Variants in HOXC6 observed in about 807,000 individuals in gnomAD.
HOXC6 encodes the protein homeobox C6.
A neutral mutation model predicts 24.0 loss-of-function variants in HOXC6; 10 were observed. The ratio of observed to expected loss-of-function variants is 0.42; its 90% CI spans 0.26 to 0.71. The LOEUF (loss-of-function observed/expected upper bound fraction) is 0.71. Among genes scored for constraint, HOXC6 ranks in the 30% least tolerant of loss-of-function variants. The pLI, the probability that HOXC6 is intolerant of heterozygous loss-of-function variation, is 0.28. For synonymous variants in HOXC6, 123 were observed against 128.1 expected (o/e 0.96, Z 0.27); for missense variants, 258 against 303.4 (o/e 0.85, Z 1.11).
exon 1 of HOXC6, chr12:54,016,893 AC>A (rs1940178682): frequency 6.6e-6 from 1 of 152,238 alleles, no homozygotes; most frequent in Admixed American, 6.5e-5. Context: ...GCTCCGCAGA[AC>A]AGTCCTCCCT....
At chr12:54,025,501 T>A (rs1046090025), upstream of HOXC6, among the ~76,000 whole-genome samples, 2 of 139,180 alleles carry the variant, frequency 1.4e-5, no homozygotes, top group Non-Finnish European at 3.1e-5. Context: ...AGAGGGCTTC[T>A]TCTTTCCTCA....
Position 54,028,494 on chromosome 12 carries a change from C to G in HOXC6, c.-28C>G. On this transcript the variant is annotated 5_prime_UTR_variant, in exon 1 of 2. In the 5' UTR this introduces an upstream ATG that the reference lacks. Coordinates refer to ENST00000243108, the MANE Select transcript of HOXC6 (RefSeq NM_004503.4). The stretch of plus-strand genomic sequence containing the variant: ...AGACAGAAATAAATATTAAAGAAAT[C>G]ATAGACCGACCAGGTAAAGGCAAAG... The G allele has an allele frequency of 1.2e-6, 2 of 1,605,044 alleles. No individual in the cohort carries two copies. Among genetic ancestry groups the G allele is most frequent in the Non-Finnish European group, 1.7e-6 (2 of 1,175,184 alleles).
In HOXC6 at chr12:54,019,117, A is replaced by T. The variant is rs191302926; in HGVS notation, c.-193+1703A>T. ...GCTAAATTCCCCTTTCGCAGCCATC[A>T]TAAAGGCCTCTGAGGTATTCTCCCG... On this transcript the variant is annotated intron_variant, in intron 1 of 2. Coordinates refer to the HOXC6 transcript ENST00000394331. 3.7e-3 allele frequency among the ~76,000 whole-genome samples: 421 copies of T among 114,074 alleles called. 1 individual carries two copies. The Middle Eastern group carries it at 0.055, about 15-fold the overall frequency. The allele number at this position is 114,074 out of a possible 152,430, so 74.8% of individuals were successfully genotyped here. A position where few individuals can be genotyped will look rare whatever the true frequency, so the allele number is the denominator to read the frequency against.
chr12:54,018,005 C>T (rs944242105), intron 1 of HOXC6, among the ~76,000 whole-genome samples: 4 of 152,222 alleles, frequency 2.6e-5, no homozygotes, highest in African/African-American at 4.8e-5. Flanking sequence ...AGCTAGGCGG[C>T]CGGCGGGGCC....
In HOXC6 at chr12:54,028,595, C is replaced by T; in HGVS notation, c.74C>T (p.Ala25Val). ...AGGQDVLPNVALNSTAYDPVR... is the reference protein window; with the variant it reads ...AGGQDVLPNVVLNSTAYDPVR... ...GGCCAGGACGTCCTCCCCAACGTCG[C>T]CCTCAATTCCACCGCCTATGATCCA... The change falls in exon 1 of 2, where the codon GCC (alanine) becomes GTC (valine). Residue 25 changes from alanine to valine, a missense_variant. By Grantham distance (64) the Ala-to-Val change is moderately conservative. Transcript: ENST00000243108. 1 of 1,614,172 alleles carries T rather than the reference C, an allele frequency of 6.2e-7. No homozygotes were observed. The highest frequency in any genetic ancestry group is 8.5e-7 in the Non-Finnish European group (1 of 1,180,030).
At chr12:54,026,501 C>T (rs1184887107), upstream of HOXC6, among the ~76,000 whole-genome samples, 1 of 152,204 alleles carries the variant, frequency 6.6e-6, no homozygotes, top group Admixed American at 6.5e-5. Flanking sequence ...TCTACCCTTT[C>T]CCCTTCATTT....
In HOXC6 at chr12:54,028,917, C is replaced by T. The variant is rs774503554; in HGVS notation, c.396C>T (p.His132=). Residue 132 remains histidine, a synonymous_variant, in exon 1 of 2, where the codon CAC becomes CAT. Coordinates refer to ENST00000243108, the MANE Select transcript of HOXC6 (RefSeq NM_004503.4). Reference sequence around the variant, plus strand: ...CCTGGATGCAGCGAATGAATTCGCACAGTGGTGAGTTTTACAGCTCCGAGA... The same window carrying T: ...CCTGGATGCAGCGAATGAATTCGCATAGTGGTGAGTTTTACAGCTCCGAGA... ...IYPWMQRMNS[H]SGVGYGADRR... is the part of the protein sequence containing the mutation. The T allele has an allele frequency of 1.9e-6, 3 of 1,608,094 alleles. No homozygotes were observed. Among genetic ancestry groups the T allele is most frequent in the South Asian group, 2.2e-5 (2 of 90,854 alleles).
chr12:54,024,716 C>A (rs1940613915), upstream of HOXC6, among the ~76,000 whole-genome samples: 1 of 151,958 alleles, frequency 6.6e-6, no homozygotes, highest in South Asian at 2.1e-4. Flanking sequence ...CTTTCCCTGG[C>A]CTAAAGGGGA....
rs1241116315 is a variant in HOXC6 at position 54,029,720 on chromosome 12, C to G, written c.466C>G (p.Leu156Val). The change falls in exon 2 of 2, where the codon CTG (leucine) becomes GTG (valine). Residue 156 changes from leucine (L) to valine (V), a missense_variant. Transcript: ENST00000243108. ...CTACTCGCGGTACCAGACCCTGGAA[C>G]TGGAGAAGGAATTTCACTTCAATCG... is the stretch of plus-strand genomic sequence containing the variant. The part of the protein sequence containing the change: ...QIYSRYQTLE[L>V]EKEFHFNRYL... 6.2e-7 allele frequency: 1 copy of G among 1,614,192 alleles called. No individual in the cohort carries two copies. Among genetic ancestry groups the G allele is most frequent in the East Asian group, 2.2e-5 (1 of 44,874 alleles).
At chr12:54,021,264 G>A (rs1940422998) in intron 1 of HOXC6, 1 of 152,200 alleles carries the variant, frequency 6.6e-6, no homozygotes, top group African/African-American at 2.4e-5. Context: ...AGTTCTCTAA[G>A]GTCCCCCAAA....
chr12:54,026,717 G>A (rs933389542), upstream of HOXC6, among the ~76,000 whole-genome samples: 20 of 152,232 alleles, frequency 1.3e-4, no homozygotes, highest in African/African-American at 4.8e-4. Flanking sequence ...GTCTCCACCA[G>A]CTCCTGCACA....
At chr12:54,020,051 C>G (rs1940360706) in intron 1 of HOXC6, 1 of 152,340 alleles carries the variant, frequency 6.6e-6, no homozygotes, top group South Asian at 2.1e-4. Flanking sequence ...ATTTTCTTTC[C>G]CTTCTCCTTC....
chr12:54,019,466 C>G (rs1023983562), intron 1 of HOXC6, among the ~76,000 whole-genome samples: 3 of 152,174 alleles, frequency 2.0e-5, no homozygotes, highest in Admixed American at 6.5e-5. Flanking sequence ...AAAAAGGGAG[C>G]CTTTCTCCTG....
At position 54,019,295 on chromosome 12, in the gene HOXC6, G is replaced by T. The variant is rs573764348; in HGVS notation, c.-193+1881G>T. 2.0e-5 allele frequency among the ~76,000 whole-genome samples: 3 copies of T among 149,940 alleles called. No homozygotes were observed. In the South Asian group the frequency reaches 6.3e-4, roughly 31 times the overall value. ...GGCTCTCCCCAAATGGGCCCAGCCC[G>T]CCGCCTGCTCAGGCTGCCGCGCGCT... On this transcript the variant is annotated intron_variant, in intron 1 of 2. Coordinates refer to the HOXC6 transcript ENST00000394331.
upstream of HOXC6, among the ~76,000 whole-genome samples, chr12:54,025,426 C>G (rs1168256264): frequency 6.6e-6 from 1 of 151,774 alleles, no homozygotes; most frequent in Non-Finnish European, 1.5e-5. Flanking sequence ...CTGACCTGCT[C>G]TCCCCCCTTG....
upstream of HOXC6, among the ~76,000 whole-genome samples, chr12:54,026,936 T>TC (rs60226451): frequency 0.039 from 5,458 of 138,476 alleles, 116 homozygotes; most frequent in African/African-American, 0.077. Flanking sequence ...TAGCCAGCTT[T>TC]CCCCCCCCCC....
intron 1 of HOXC6, among the ~76,000 whole-genome samples, chr12:54,019,091 C>T (rs1237418929): frequency 8.7e-5 from 13 of 150,002 alleles, no homozygotes; most frequent in Admixed American, 7.3e-4. Context: ...TTTCTGCCCC[C>T]GCTAAATTCC....
chr12:54,023,787 T>A (rs559290833), upstream of HOXC6, among the ~76,000 whole-genome samples: 52 of 152,270 alleles, frequency 3.4e-4, no homozygotes, highest in African/African-American at 1.2e-3. Flanking sequence ...ATGCGGTGTG[T>A]GTAGCGGGGG....
upstream of HOXC6, among the ~76,000 whole-genome samples, chr12:54,026,607 T>C (rs528018600): frequency 1.3e-5 from 2 of 152,310 alleles, no homozygotes; most frequent in South Asian, 4.1e-4. Flanking sequence ...TTTCTGTCCT[T>C]TCTGGAGGAT....
Sources: gnomAD v4.1 joint callset for allele counts (sites outside exome capture counted in the v4.1 genomes callset) on GRCh38, gnomAD v4.1.1 for gene constraint, MANE v1.5 for transcripts, NCBI Gene and HGNC (gene_info 2026-07-23, HGNC 2026-07-21) for gene names.